The following SGMS2 variants were observed in gnomAD, a reference collection of about 807,000 sequenced individuals.
SGMS2 encodes phosphatidylcholine:ceramide cholinephosphotransferase 2.
A neutral mutation model predicts 43.8 loss-of-function variants in SGMS2; 21 were observed. That is an observed-to-expected ratio of 0.48 (90% CI 0.34 to 0.69). The LOEUF (loss-of-function observed/expected upper bound fraction) is 0.69, where lower values mean the gene tolerates loss of function less well. Ranked by LOEUF, SGMS2 falls within the 30% of genes least tolerant of loss-of-function variation. The pLI is 0.01. For synonymous variants in SGMS2, 167 were observed against 160.6 expected (o/e 1.04, Z -0.30); for missense variants, 384 against 443.2 (o/e 0.87, Z 1.20).
chr4:107,865,776 T>C (rs1249553906), intron 2 of SGMS2, among the ~76,000 whole-genome samples: 1 of 152,206 alleles, frequency 6.6e-6, no homozygotes, highest in African/African-American at 2.4e-5. Flanking sequence ...TCTTATTTAA[T>C]TGGTTTCAGT....
chr4:107,892,139 G>C (rs1339632601), intron 2 of SGMS2, among the ~76,000 whole-genome samples: 1 of 141,096 alleles, frequency 7.1e-6, no homozygotes, highest in African/African-American at 2.7e-5. Context: ...CATCTTCCCT[G>C]TTGGAAGGGA....
intron 1 of SGMS2, among the ~76,000 whole-genome samples, chr4:107,829,091 T>C (rs1261958243): frequency 6.6e-6 from 1 of 152,214 alleles, no homozygotes; most frequent in Non-Finnish European, 1.5e-5. Context: ...AATTAAATAC[T>C]TTCAGGTGTT....
intron 3 of SGMS2, 98 bp from the exon 4 acceptor site, chr4:107,899,477 C>G: frequency 1.2e-6 from 1 of 833,150 alleles, no homozygotes. Flanking sequence ...CCATTCTGTA[C>G]TGATTATTCT....
chr4:107,827,410 A>AG (rs1413499509), intron 1 of SGMS2, among the ~76,000 whole-genome samples: 1 of 152,182 alleles, frequency 6.6e-6, no homozygotes, highest in Admixed American at 6.5e-5. Context: ...AGGGGAAAAA[A>AG]GGAGTCAAAA....
In SGMS2 at chr4:107,895,794, A is replaced by T; in HGVS notation, c.241A>T (p.Ile81Phe). The change falls in exon 3 of 7, where the codon ATT becomes TTT. Residue 81 changes from isoleucine to phenylalanine, a missense_variant. Physicochemically the swap from Ile to Phe is conservative, Grantham distance 21 (BLOSUM62 0). Transcript: ENST00000690982. ...KFPLEWWKTG[I>F]AFIYAVFNLV... ...TCCACTAGAGTGGTGGAAAACGGGCATTGCCTTCATATATGCAGTTTTCAA... is the reference window on the plus strand; with the variant it reads ...TCCACTAGAGTGGTGGAAAACGGGCTTTGCCTTCATATATGCAGTTTTCAA... 6.2e-7 allele frequency: 1 copy of T among 1,613,978 alleles called. No homozygotes were observed. Among genetic ancestry groups the T allele is most frequent in the Non-Finnish European group, 8.5e-7 (1 of 1,179,928 alleles).
chr4:107,881,521 T>G (rs1400928908), intron 2 of SGMS2, among the ~76,000 whole-genome samples: 2 of 152,166 alleles, frequency 1.3e-5, no homozygotes, highest in Non-Finnish European at 2.9e-5. Flanking sequence ...ACGTGAGATA[T>G]TCTGATACAG....
intron 1 of SGMS2, among the ~76,000 whole-genome samples, chr4:107,829,874 A>G (rs2125983871): frequency 6.6e-6 from 1 of 152,218 alleles, no homozygotes; most frequent in Non-Finnish European, 1.5e-5. Context: ...CTTGTCAGCC[A>G]TGCAATTCCT....
chr4:107,851,514 A>G (rs535701807), intron 1 of SGMS2, among the ~76,000 whole-genome samples: 38 of 152,338 alleles, frequency 2.5e-4, no homozygotes, highest in Middle Eastern at 6.8e-3. Flanking sequence ...ACATACACTT[A>G]GCTCTGACTA....
rs1210978162 is a variant in SGMS2 at position 107,868,906 on chromosome 4, A to G, written c.-245+10353A>G. On this transcript the variant is annotated intron_variant, in intron 2 of 6. Transcript: ENST00000690982. ...TTATGATTATTGAATATTATGTTCA[A>G]GTAATTTTGTGCATTTTCTTACTAT... Among the ~76,000 whole-genome samples the G allele has an allele frequency of 2.0e-5, 3 of 152,232 alleles. No individual in the cohort carries two copies. In the East Asian group the frequency reaches 5.8e-4, roughly 29 times the overall value.
intron 1 of SGMS2, among the ~76,000 whole-genome samples, chr4:107,841,414 G>A (rs1726491049): frequency 6.6e-6 from 1 of 151,780 alleles, no homozygotes; most frequent in Admixed American, 6.6e-5. Flanking sequence ...GCCTTTGGAA[G>A]ACTACAGACC....
intron 2 of SGMS2, among the ~76,000 whole-genome samples, chr4:107,888,135 C>A (rs540276855): frequency 1.3e-5 from 2 of 152,194 alleles, no homozygotes; most frequent in South Asian, 4.1e-4. Context: ...TAATTTCTGG[C>A]CCAGTGTCTT....
chr4:107,910,073 C>T (rs1731980736), intron 6 of SGMS2, among the ~76,000 whole-genome samples: 1 of 152,086 alleles, frequency 6.6e-6, no homozygotes, highest in African/African-American at 2.4e-5. Flanking sequence ...GAAAATTATT[C>T]CTCCTGAATA....
At chr4:107,897,200 A>G (rs561077405) in intron 3 of SGMS2, among the ~76,000 whole-genome samples, 1 of 152,344 alleles carries the variant, frequency 6.6e-6, no homozygotes, top group East Asian at 1.9e-4. Context: ...CCCAAATGCA[A>G]CTTTGCAGTC....
At chr4:107,856,185 A>G (rs1188938135) in intron 1 of SGMS2, among the ~76,000 whole-genome samples, 3 of 152,180 alleles carry the variant, frequency 2.0e-5, no homozygotes, top group Admixed American at 2.0e-4. Flanking sequence ...TGCTGTTGTT[A>G]TATAATTTAC....
At chr4:107,844,876 G>A (rs1726725582) in intron 1 of SGMS2, among the ~76,000 whole-genome samples, 3 of 152,122 alleles carry the variant, frequency 2.0e-5, no homozygotes, top group South Asian at 4.2e-4. Flanking sequence ...TTCAGGTGCT[G>A]ATTGATGTAG....
intron 1 of SGMS2, among the ~76,000 whole-genome samples, chr4:107,827,410 A>C (rs1209710977): frequency 2.0e-5 from 3 of 152,182 alleles, no homozygotes; most frequent in African/African-American, 7.2e-5. Context: ...AGGGGAAAAA[A>C]GGAGTCAAAA....
chr4:107,833,117 G>C (rs901752359), intron 1 of SGMS2, among the ~76,000 whole-genome samples: 1 of 152,168 alleles, frequency 6.6e-6, no homozygotes, highest in South Asian at 2.1e-4. Flanking sequence ...GTCGACCCTG[G>C]TGATGATCCG....
chr4:107,909,731 C>G (rs2126166206), intron 6 of SGMS2, among the ~76,000 whole-genome samples: 1 of 152,302 alleles, frequency 6.6e-6, no homozygotes, highest in Admixed American at 6.5e-5. Flanking sequence ...GGTCTGTGTA[C>G]CATGACTTAC....
intron 6 of SGMS2, among the ~76,000 whole-genome samples, chr4:107,909,411 G>A (rs1465667118): frequency 2.6e-5 from 4 of 152,096 alleles, no homozygotes; most frequent in African/African-American, 7.2e-5. Flanking sequence ...GTGCCCAGCC[G>A]ATAGCAGCTA....
Sources: gnomAD v4.1 joint callset for allele counts (sites outside exome capture counted in the v4.1 genomes callset) on GRCh38, gnomAD v4.1.1 for gene constraint, MANE v1.5 for transcripts, NCBI Gene and HGNC (gene_info 2026-07-23, HGNC 2026-07-21) for gene names.